Variants in DLGAP2 observed in about 807,000 individuals in gnomAD.
The protein encoded by DLGAP2 is disks large-associated protein 2.
DLGAP2 carries 26 observed loss-of-function variants against 100.3 expected under a neutral mutation model. That is an observed-to-expected ratio of 0.26 (90% CI 0.19 to 0.36). The LOEUF is 0.36. Among genes scored for constraint, DLGAP2 ranks in the 10% least tolerant of loss-of-function variants. DLGAP2 has a pLI of 1.00. For synonymous variants in DLGAP2, 886 were observed against 630.1 expected, an observed-to-expected ratio of 1.41 and a Z score of -6.08; for missense variants, 1,858 against 1,453.2, an observed-to-expected ratio of 1.28 and a Z score of -4.53.
chr8:1,311,800 C>G (rs1800620569), intron 3 of DLGAP2, among the ~76,000 whole-genome samples: 1 of 152,088 alleles, frequency 6.6e-6, no homozygotes. Flanking sequence ...CATCCAGTTT[C>G]CTGTCCAACA....
chr8:1,372,977 C>T (rs901923711), intron 3 of DLGAP2, among the ~76,000 whole-genome samples: 3 of 152,156 alleles, frequency 2.0e-5, no homozygotes, highest in Admixed American at 6.5e-5. Context: ...TGGCCACCTA[C>T]GTGGCCACCT....
At chr8:1,104,067 C>G (rs985471603) in intron 2 of DLGAP2, among the ~76,000 whole-genome samples, 1 of 152,214 alleles carries the variant, frequency 6.6e-6, no homozygotes, top group Non-Finnish European at 1.5e-5. Flanking sequence ...CGTCTTCACG[C>G]ATGAATCACC....
rs368999983 is a variant in DLGAP2, at chr8:1,214,859, G to T, written c.74-43992G>T. ...AATTAAAGCCAAGCCATCTGTTGCT[G>T]TTGTTGTGTTTTCCACATTTGTGGC... On this transcript the variant is annotated intron_variant, in intron 2 of 14. Coordinates refer to ENST00000637795, the MANE Select transcript of DLGAP2 (RefSeq NM_001346810.2). Among the ~76,000 whole-genome samples, 108 of 152,354 alleles carry T rather than the reference G, an allele frequency of 7.1e-4. No individual in the cohort carries two copies. The South Asian group carries it at 0.02, about 28-fold the overall frequency.
At chr8:1,030,686 G>T (rs1801946746) in intron 2 of DLGAP2, among the ~76,000 whole-genome samples, 1 of 152,172 alleles carries the variant, frequency 6.6e-6, no homozygotes, top group South Asian at 2.1e-4. Flanking sequence ...CTTTCTTTTG[G>T]TTGCTTTGCA....
intron 3 of DLGAP2, among the ~76,000 whole-genome samples, chr8:1,380,873 A>G (rs79340128): frequency 0.011 from 1,681 of 150,456 alleles, 33 homozygotes; most frequent in African/African-American, 0.039. Context: ...TAAGAATTGC[A>G]AAATATGATT....
At chr8:1,259,609 C>G (rs1799304463) in intron 3 of DLGAP2, 1 of 152,188 alleles carries the variant, frequency 6.6e-6, no homozygotes, top group Non-Finnish European at 1.5e-5. Context: ...GAACTCGGGA[C>G]ACAGCCAACC....
At chr8:781,558 C>G (rs1821687916) in intron 1 of DLGAP2, among the ~76,000 whole-genome samples, 1 of 152,086 alleles carries the variant, frequency 6.6e-6, no homozygotes, top group Non-Finnish European at 1.5e-5. Context: ...TGGGGTGTTG[C>G]CCAAGTACCG....
chr8:1,572,974 A>G (rs1802798621), intron 6 of DLGAP2, among the ~76,000 whole-genome samples: 1 of 117,134 alleles, frequency 8.5e-6, no homozygotes, highest in Non-Finnish European at 1.7e-5. Context: ...GATGGAGAGG[A>G]GAGAGGGTGA....
intron 1 of DLGAP2, among the ~76,000 whole-genome samples, chr8:795,003 G>A (rs928517256): frequency 2.6e-5 from 4 of 152,290 alleles, no homozygotes; most frequent in African/African-American, 9.6e-5. Flanking sequence ...CCTGTTTTGA[G>A]GTCCTCCATT....
chr8:1,435,432 A>G (rs1797589443), intron 3 of DLGAP2, among the ~76,000 whole-genome samples: 1 of 152,068 alleles, frequency 6.6e-6, no homozygotes. Context: ...GAAGACTCCT[A>G]CTGTCCAGTG....
chr8:787,211 G>A (rs767755852), intron 1 of DLGAP2, among the ~76,000 whole-genome samples: 1 of 152,144 alleles, frequency 6.6e-6, no homozygotes, highest in African/African-American at 2.4e-5. Context: ...GAAGACTGCT[G>A]TATGTCTTTC....
At chr8:1,073,348 A>C (rs1275920929) in intron 2 of DLGAP2, among the ~76,000 whole-genome samples, 1 of 152,228 alleles carries the variant, frequency 6.6e-6, no homozygotes, top group Non-Finnish European at 1.5e-5. Flanking sequence ...GGAGCTATAA[A>C]GTTTTGTAGT....
intron 2 of DLGAP2, among the ~76,000 whole-genome samples, chr8:1,200,040 C>T (rs1005290448): frequency 6.6e-6 from 1 of 151,992 alleles, no homozygotes; most frequent in African/African-American, 2.4e-5. Context: ...TGGGGGTGAC[C>T]CCGAGAACAG....
At chr8:1,557,124 G>A (rs2956896) in intron 5 of DLGAP2, among the ~76,000 whole-genome samples, 141,846 of 152,234 alleles carry the variant, frequency 0.93, 66,198 homozygotes, top group African/African-American at 0.98. Context: ...ACTACCTGCC[G>A]GAAGCACCCC....
At chr8:1,361,626 A>G (rs981422621) in intron 3 of DLGAP2, among the ~76,000 whole-genome samples, 5 of 152,228 alleles carry the variant, frequency 3.3e-5, no homozygotes, top group African/African-American at 1.2e-4. Flanking sequence ...CATCGTTTAA[A>G]CGGAGCATGG....
chr8:910,876 C>T (rs922906563), intron 2 of DLGAP2, among the ~76,000 whole-genome samples: 12 of 152,140 alleles, frequency 7.9e-5, no homozygotes, highest in Non-Finnish European at 1.5e-4. Context: ...CAGAGCAGGC[C>T]TTGGGCGCGG....
intron 3 of DLGAP2, among the ~76,000 whole-genome samples, chr8:1,455,384 C>T (rs866402053): frequency 6.6e-6 from 1 of 152,206 alleles, no homozygotes; most frequent in Non-Finnish European, 1.5e-5. Flanking sequence ...ATGAGTCCCC[C>T]TGCCCCTCGG....
At chr8:1,380,724 C>T (rs934036975) in intron 3 of DLGAP2, among the ~76,000 whole-genome samples, 5 of 152,016 alleles carry the variant, frequency 3.3e-5, no homozygotes, top group Admixed American at 2.0e-4. Flanking sequence ...TTTAATTACA[C>T]GCTTGCGAAA....
intron 2 of DLGAP2, among the ~76,000 whole-genome samples, chr8:1,099,515 A>G (rs898193542): frequency 3.3e-5 from 5 of 152,222 alleles, no homozygotes; most frequent in Admixed American, 2.0e-4. Context: ...CTGTGCTACC[A>G]CATCCTCGCA....
Sources: allele counts gnomAD v4.1 joint callset (sites outside exome capture counted in the v4.1 genomes callset), GRCh38; gene constraint gnomAD v4.1.1; transcripts MANE v1.5; gene names NCBI Gene and HGNC (gene_info 2026-07-23, HGNC 2026-07-21).